SORCS1: variants seen among roughly 807,000 people sequenced by gnomAD.
The protein encoded by SORCS1 is VPS10 domain-containing receptor SorCS1.
Under a neutral mutation model 146.1 loss-of-function variants are expected in SORCS1, and 60 were observed. That is an observed-to-expected ratio of 0.41 (90% CI 0.33 to 0.51). SORCS1 has a LOEUF of 0.51. SORCS1 is among the 20% of genes least tolerant of loss of function. The pLI is 0.21. For synonymous variants in SORCS1, 637 were observed against 584.0 expected (o/e 1.09, Z -1.31); for missense variants, 1,352 against 1,487.6 (o/e 0.91, Z 1.50).
In SORCS1 at chr10:106,674,501, T is replaced by C. The variant is rs533163723; in HGVS notation, c.1940+548A>G. ...TCCAAAGGAAGGAACTCTCACAGTT[T>C]CATACTTGAAATTCAAAGTCCATGT... On this transcript the variant is annotated intron_variant, in intron 14 of 25. Coordinates refer to ENST00000263054, the MANE Select transcript of SORCS1 (RefSeq NM_052918.5). 5.3e-5 allele frequency among the ~76,000 whole-genome samples: 8 copies of C among 152,218 alleles called. No individual in the cohort carries two copies. In the South Asian group the frequency reaches 8.3e-4, roughly 16 times the overall value.
At chr10:107,111,303 CAT>C (rs1267044562) in intron 1 of SORCS1, among the ~76,000 whole-genome samples, 1 of 151,978 alleles carries the variant, frequency 6.6e-6, no homozygotes, top group East Asian at 1.9e-4. Context: ...TGTAAGAAAA[CAT>C]AGACAATTTG....
intron 1 of SORCS1, among the ~76,000 whole-genome samples, chr10:107,144,178 A>G (rs761459344): frequency 3.3e-5 from 5 of 152,102 alleles, no homozygotes; most frequent in Non-Finnish European, 5.9e-5. Flanking sequence ...TATCTTCTTC[A>G]AAACCTTTGC....
intron 1 of SORCS1, among the ~76,000 whole-genome samples, chr10:107,134,731 T>A (rs887984974): frequency 6.6e-5 from 10 of 152,136 alleles, no homozygotes; most frequent in Non-Finnish European, 1.0e-4. Context: ...ATCGGACAAG[T>A]CAGCAGAGGA....
At chr10:106,728,404 C>T (rs1304008263) in intron 6 of SORCS1, among the ~76,000 whole-genome samples, 3 of 152,190 alleles carry the variant, frequency 2.0e-5, no homozygotes, top group African/African-American at 7.2e-5. Context: ...AGCGAGCCCC[C>T]TGAGGAGGTG....
chr10:106,934,741 A>G (rs1474319681), intron 2 of SORCS1, among the ~76,000 whole-genome samples: 2 of 152,238 alleles, frequency 1.3e-5, no homozygotes, highest in African/African-American at 4.8e-5. Flanking sequence ...ATAAAAAAGA[A>G]CAAAATAATG....
At chr10:106,737,832 T>A (rs1036531821) in intron 5 of SORCS1, among the ~76,000 whole-genome samples, 1 of 152,148 alleles carries the variant, frequency 6.6e-6, no homozygotes. Flanking sequence ...GCACTTCAAC[T>A]GATCAAAAAG....
chr10:106,741,334 C>T (rs1426758638), intron 5 of SORCS1, among the ~76,000 whole-genome samples: 1 of 152,228 alleles, frequency 6.6e-6, no homozygotes, highest in Non-Finnish European at 1.5e-5. Context: ...CGTGATGACT[C>T]ACACCTGTAA....
chr10:106,625,214 G>GTGTGTA (rs1848024270), intron 19 of SORCS1, among the ~76,000 whole-genome samples: 1 of 127,076 alleles, frequency 7.9e-6, no homozygotes, highest in South Asian at 2.5e-4. Context: ...GTGTGTGTGT[G>GTGTGTA]TGTGTGTGTG....
chr10:106,689,854 G>A (rs1464930386), intron 9 of SORCS1, among the ~76,000 whole-genome samples: 1 of 152,172 alleles, frequency 6.6e-6, no homozygotes, highest in Non-Finnish European at 1.5e-5. Context: ...CTTTGCTTTT[G>A]ACAGTCAGAC....
At chr10:106,706,300 A>G (rs532703692) in intron 8 of SORCS1, among the ~76,000 whole-genome samples, 1 of 151,672 alleles carries the variant, frequency 6.6e-6, no homozygotes, top group African/African-American at 2.4e-5. Context: ...AAAGAGAAAG[A>G]AAGAAAGAAG....
intron 5 of SORCS1, among the ~76,000 whole-genome samples, chr10:106,759,769 TTC>T (rs1422412166): frequency 5.3e-5 from 8 of 152,292 alleles, no homozygotes; most frequent in African/African-American, 1.4e-4. Flanking sequence ...CTTCACGTAT[TTC>T]TCTTTTCCCA....
intron 2 of SORCS1, among the ~76,000 whole-genome samples, chr10:106,955,000 C>T (rs1375588078): frequency 1.3e-5 from 2 of 152,256 alleles, no homozygotes; most frequent in African/African-American, 4.8e-5. Context: ...CAGGCAGCTG[C>T]CCCACACAAC....
chr10:106,675,830 G>A (rs1254341223), intron 13 of SORCS1, among the ~76,000 whole-genome samples: 1 of 152,126 alleles, frequency 6.6e-6, no homozygotes, highest in Non-Finnish European at 1.5e-5. Context: ...AGGAATTAGT[G>A]ATCTTTTAAA....
intron 2 of SORCS1, among the ~76,000 whole-genome samples, chr10:106,902,933 C>A (rs993067894): frequency 3.3e-5 from 5 of 152,094 alleles, no homozygotes; most frequent in Non-Finnish European, 7.4e-5. Context: ...AAAAAATTAT[C>A]CAGGTGTGAT....
At chr10:107,092,557 C>G (rs1231193942) in intron 1 of SORCS1, among the ~76,000 whole-genome samples, 1 of 152,180 alleles carries the variant, frequency 6.6e-6, no homozygotes, top group Non-Finnish European at 1.5e-5. Context: ...ATATGCCTGC[C>G]AGTCAGATGC....
chr10:107,139,882 T>C (rs367775960), intron 1 of SORCS1, among the ~76,000 whole-genome samples: 1 of 152,314 alleles, frequency 6.6e-6, no homozygotes, highest in East Asian at 1.9e-4. Context: ...CACACTCCTA[T>C]GGGGTTGCTA....
chr10:106,727,751 G>A, intron 6 of SORCS1, among the ~76,000 whole-genome samples: 1 of 152,208 alleles, frequency 6.6e-6, no homozygotes, highest in East Asian at 1.9e-4. Context: ...ATTAACCTGA[G>A]GTCTCAACCA....
chr10:107,063,445 T>A (rs1961431502), intron 1 of SORCS1, among the ~76,000 whole-genome samples: 1 of 152,212 alleles, frequency 6.6e-6, no homozygotes, highest in African/African-American at 2.4e-5. Flanking sequence ...TAAAATCATT[T>A]AAAAGCTGGT....
In SORCS1 at chr10:106,829,566, T is replaced by C; in HGVS notation, c.726+8A>G. The stretch of plus-strand genomic sequence containing the variant: ...GAATGAGTAGCATGCTGAATATACA[T>C]TTCTTACCTTACGCTTGTTGGTAGG... On this transcript the variant is annotated splice_region_variant and intron_variant, in intron 3 of 25. Coordinates refer to ENST00000263054, the MANE Select transcript of SORCS1 (RefSeq NM_052918.5). The C allele has an allele frequency of 6.3e-7, 1 of 1,581,014 alleles. No homozygotes were observed. Among genetic ancestry groups the C allele is most frequent in the African/African-American group, 1.3e-5 (1 of 74,630 alleles).
Sources: allele counts gnomAD v4.1 joint callset (sites outside exome capture counted in the v4.1 genomes callset), GRCh38; gene constraint gnomAD v4.1.1; transcripts MANE v1.5; gene names NCBI Gene and HGNC (gene_info 2026-07-23, HGNC 2026-07-21).